PRDM1: variants seen among roughly 807,000 people sequenced by gnomAD.
PRDM1 encodes the protein PR domain zinc finger protein 1.
A neutral mutation model predicts 62.8 loss-of-function variants in PRDM1; 13 were observed. That is an observed-to-expected ratio of 0.21 (90% CI 0.13 to 0.33). PRDM1 has a LOEUF of 0.33. Among genes scored for constraint, PRDM1 ranks in the 10% least tolerant of loss-of-function variants. The pLI is 1.00. For synonymous variants in PRDM1, 396 were observed against 417.6 expected, an observed-to-expected ratio of 0.95 and a Z score of 0.63; for missense variants, 895 against 1,058.8, an observed-to-expected ratio of 0.85 and a Z score of 2.15.
At chr6:106,087,058 A>C (rs1206120208) in intron 1 of PRDM1, among the ~76,000 whole-genome samples, 1 of 152,332 alleles carries the variant, frequency 6.6e-6, no homozygotes, top group Non-Finnish European at 1.5e-5. Context: ...ACTTCCACAG[A>C]ATGTTATGTT....
chr6:106,066,459 A>T (rs564225093), intron 1 of PRDM1, among the ~76,000 whole-genome samples: 22 of 152,144 alleles, frequency 1.4e-4, no homozygotes, highest in Non-Finnish European at 3.1e-4. Flanking sequence ...TGTGAAGGAG[A>T]ATTTTCTGCT....
upstream of PRDM1, among the ~76,000 whole-genome samples, chr6:106,083,998 G>A (rs1773744617): frequency 6.6e-6 from 1 of 152,146 alleles, no homozygotes; most frequent in Non-Finnish European, 1.5e-5. Flanking sequence ...TTTTGTGCTG[G>A]ACAATACCTA....
intron 1 of PRDM1, among the ~76,000 whole-genome samples, chr6:105,998,324 G>T (rs1298703777): frequency 6.6e-6 from 1 of 152,146 alleles, no homozygotes; most frequent in African/African-American, 2.4e-5. Flanking sequence ...GGCTGAAGCA[G>T]GAGGATTGTT....
At chr6:106,010,038 C>T (rs762117651) in intron 1 of PRDM1, among the ~76,000 whole-genome samples, 18 of 152,074 alleles carry the variant, frequency 1.2e-4, no homozygotes, top group Non-Finnish European at 1.6e-4. Context: ...ATTTGAGTTA[C>T]CCCTATGGCA....
chr6:106,005,073 C>A (rs974750595), intron 1 of PRDM1, among the ~76,000 whole-genome samples: 2 of 152,198 alleles, frequency 1.3e-5, no homozygotes, highest in Admixed American at 1.3e-4. Context: ...TTGCTGCAAT[C>A]TTCTTAAGGC....
chr6:106,099,214 ACGGTAC>A, intron 3 of PRDM1, 80 bp from the exon 4 acceptor site: 7 of 1,599,914 alleles, frequency 4.4e-6, no homozygotes, highest in Non-Finnish European at 6.0e-6. Context: ...GAAATCACAC[ACGGTAC>A]CGGCTGTGTT....
chr6:106,094,906 AACAC>A (rs3833460), intron 2 of PRDM1, among the ~76,000 whole-genome samples: 3 of 88,740 alleles, frequency 3.4e-5, no homozygotes, highest in South Asian at 4.7e-4. Flanking sequence ...TTGTCTTTAA[AACAC>A]ACACACACAC....
intron 1 of PRDM1, among the ~76,000 whole-genome samples, chr6:105,996,114 T>C (rs935575869): frequency 1.3e-5 from 2 of 152,222 alleles, no homozygotes; most frequent in African/African-American, 4.8e-5. Flanking sequence ...CCTTAAAATA[T>C]AACATATTCC....
Position 106,086,353 on chromosome 6 carries a change from G to C in PRDM1, c.-201G>C. ...AGACGGTTAACACAGACAAAGTGCT[G>C]CCGTGACACTCGGCCCTCCAGTGTT... On this transcript the variant is annotated 5_prime_UTR_variant, in exon 1 of 7. Transcript: ENST00000369096. The C allele has an allele frequency of 1.9e-6, 1 of 521,404 alleles. No homozygotes were observed. The highest frequency in any genetic ancestry group is 3.1e-5 in the South Asian group (1 of 32,700). 32.3% of individuals were successfully genotyped at this position (521,404 alleles called of 1,614,324 possible).
chr6:106,053,802 G>A (rs186698814), intron 1 of PRDM1, among the ~76,000 whole-genome samples: 26 of 152,052 alleles, frequency 1.7e-4, no homozygotes, highest in Non-Finnish European at 1.9e-4. Context: ...TATTTTACCA[G>A]TAGCACAGTG....
chr6:106,047,546 A>G (rs114350018), upstream of PRDM1, among the ~76,000 whole-genome samples: 558 of 152,342 alleles, frequency 3.7e-3, 4 homozygotes, highest in African/African-American at 0.013. Context: ...TCTTTGTTGT[A>G]GGAAGTTAGT....
At chr6:106,014,933 G>C (rs945889582) in intron 1 of PRDM1, among the ~76,000 whole-genome samples, 1 of 152,096 alleles carries the variant, frequency 6.6e-6, no homozygotes, top group African/African-American at 2.4e-5. Context: ...TGAGGAGAGA[G>C]AACAAGACAC....
intron 4 of PRDM1, among the ~76,000 whole-genome samples, chr6:106,102,388 T>G (rs1774298225): frequency 6.6e-6 from 1 of 152,240 alleles, no homozygotes; most frequent in Non-Finnish European, 1.5e-5. Context: ...CTTCCTAATT[T>G]CCACCTGTAG....
chr6:106,080,205 C>G (rs1157643516), intron 1 of PRDM1, among the ~76,000 whole-genome samples: 1 of 152,188 alleles, frequency 6.6e-6, no homozygotes, highest in Non-Finnish European at 1.5e-5. Context: ...CATGCACTCC[C>G]CACACATAAG....
chr6:106,025,734 A>G (rs1307401516), intron 1 of PRDM1, among the ~76,000 whole-genome samples: 2 of 152,244 alleles, frequency 1.3e-5, no homozygotes, highest in Non-Finnish European at 2.9e-5. Flanking sequence ...CATATTATCA[A>G]ATTGATACTC....
chr6:106,104,792 C>T (rs1168150810), intron 4 of PRDM1, 33 bp from the exon 5 acceptor site: 3 of 1,587,476 alleles, frequency 1.9e-6, no homozygotes, highest in Admixed American at 3.7e-5. Context: ...CTCTCTAGCC[C>T]TCTGTGTAAT....
intron 1 of PRDM1, among the ~76,000 whole-genome samples, chr6:106,031,280 A>G (rs1772840302): frequency 6.6e-6 from 1 of 152,194 alleles, no homozygotes; most frequent in South Asian, 2.1e-4. Flanking sequence ...AAGTAAATGG[A>G]CACCTTTTAA....
intron 1 of PRDM1, among the ~76,000 whole-genome samples, chr6:106,008,169 G>A (rs1368130558): frequency 1.3e-5 from 2 of 152,056 alleles, no homozygotes; most frequent in South Asian, 2.1e-4. Flanking sequence ...TCAAGAGATC[G>A]AGACCATCCT....
At chr6:106,043,542 TA>T (rs1415118137), upstream of PRDM1, among the ~76,000 whole-genome samples, 4 of 152,154 alleles carry the variant, frequency 2.6e-5, no homozygotes, top group African/African-American at 4.8e-5. Context: ...TTATTATTAT[TA>T]TTTTTTTGAG....
Sources: allele counts gnomAD v4.1 joint callset (sites outside exome capture counted in the v4.1 genomes callset), GRCh38; gene constraint gnomAD v4.1.1; transcripts MANE v1.5; gene names NCBI Gene and HGNC (gene_info 2026-07-23, HGNC 2026-07-21).